Variants in CSMD1 observed in about 807,000 individuals in gnomAD.
CSMD1 encodes CUB and sushi domain-containing protein 1.
CSMD1 carries 213 observed loss-of-function variants against 417.5 expected under a neutral mutation model. The observed-to-expected ratio is 0.51, with a 90% CI of 0.46 to 0.57. The LOEUF is 0.57. CSMD1 is among the 20% of genes least tolerant of loss of function. The pLI is 0.00. For synonymous variants in CSMD1, 2,862 were observed against 1,736.8 expected (o/e 1.65, Z -16.11); for missense variants, 6,923 against 4,529.7 (o/e 1.53, Z -15.17).
intron 8 of CSMD1, among the ~76,000 whole-genome samples, chr8:3,588,672 A>G (rs73489578): frequency 0.028 from 4,223 of 152,216 alleles, 176 homozygotes; most frequent in African/African-American, 0.095. Context: ...TTTGAGAAAA[A>G]CAATCAATAA....
At position 4,185,038 on chromosome 8, in the gene CSMD1, C is replaced by T. The variant is rs533244437; in HGVS notation, c.416-152939G>A. Among the ~76,000 whole-genome samples the T allele has an allele frequency of 4.0e-5, 6 of 148,242 alleles. No homozygotes were observed. The East Asian group carries it at 1.2e-3, about 30-fold the overall frequency. On this transcript the variant is annotated intron_variant, in intron 3 of 69. Coordinates refer to ENST00000635120, the MANE Select transcript of CSMD1 (RefSeq NM_033225.6). ...CCTTTAATCCCAGCTACTTGGGAGGCTGAGGCAGGAGAATGGCTAGAGCCT... is the reference window on the plus strand; with the variant it reads ...CCTTTAATCCCAGCTACTTGGGAGGTTGAGGCAGGAGAATGGCTAGAGCCT...
chr8:3,128,901 C>G (rs1323716124), intron 41 of CSMD1: 2 of 452,572 alleles, frequency 4.4e-6, no homozygotes, highest in South Asian at 1.6e-5. Flanking sequence ...CCAGATCCTC[C>G]TATTGCAAGA....
chr8:3,969,282 G>A (rs34857992), intron 5 of CSMD1, among the ~76,000 whole-genome samples: 2,546 of 152,260 alleles, frequency 0.017, 66 homozygotes, highest in African/African-American at 0.057. Flanking sequence ...GGCTGTAGCT[G>A]CAAAAGATGA....
intron 5 of CSMD1, among the ~76,000 whole-genome samples, chr8:3,996,728 G>T (rs1364093425): frequency 6.6e-6 from 1 of 152,112 alleles, no homozygotes; most frequent in African/African-American, 2.4e-5. Flanking sequence ...AATCTAGGTA[G>T]AATTTGTTTG....
chr8:3,191,758 C>A (rs1220889811), intron 33 of CSMD1, among the ~76,000 whole-genome samples: 1 of 152,142 alleles, frequency 6.6e-6, no homozygotes, highest in East Asian at 1.9e-4. Flanking sequence ...CAAAGAGGTC[C>A]ATCACACTAG....
intron 3 of CSMD1, among the ~76,000 whole-genome samples, chr8:4,223,881 G>A (rs781258035): frequency 3.9e-4 from 60 of 152,238 alleles, no homozygotes; most frequent in Admixed American, 1.8e-3. Flanking sequence ...GTCCTGCATG[G>A]AAAATTAAAA....
chr8:3,198,916 A>G (rs945948580), intron 33 of CSMD1, among the ~76,000 whole-genome samples: 59 of 35,920 alleles, frequency 1.6e-3, no homozygotes, highest in Non-Finnish European at 6.0e-3. Context: ...GACCTAGAAA[A>G]ACTAAAATAT....
At chr8:4,200,939 A>G (rs1271925178) in intron 3 of CSMD1, among the ~76,000 whole-genome samples, 1 of 152,140 alleles carries the variant, frequency 6.6e-6, no homozygotes, top group South Asian at 2.1e-4. Flanking sequence ...GTCTTTTCTA[A>G]TCTCCATAAC....
In CSMD1 at chr8:3,708,502, C is replaced by G. The variant is rs761138177; in HGVS notation, c.932-11G>C. The G allele has an allele frequency of 1.2e-6, 2 of 1,612,580 alleles. No homozygotes were observed. The highest frequency in any genetic ancestry group is 1.3e-5 in the African/African-American group (1 of 74,878). On this transcript the variant is annotated splice_polypyrimidine_tract_variant and intron_variant, in intron 6 of 69. Transcript: ENST00000635120. ...CAATCGCCTTTTTCACTGGAAGAAA[C>G]AAAACCAAGCCATTAGCAGGTAAGA...
intron 7 of CSMD1, among the ~76,000 whole-genome samples, chr8:3,705,056 A>G (rs1335871456): frequency 6.6e-6 from 1 of 152,234 alleles, no homozygotes; most frequent in Non-Finnish European, 1.5e-5. Flanking sequence ...GGGTCCCACC[A>G]GGAAACAGAT....
At chr8:4,209,680 G>A (rs1335945923) in intron 3 of CSMD1, among the ~76,000 whole-genome samples, 2 of 152,116 alleles carry the variant, frequency 1.3e-5, no homozygotes, top group Non-Finnish European at 2.9e-5. Context: ...GGAAATCAAG[G>A]GCAAGCCAGT....
At chr8:4,485,560 C>A (rs183831362) in intron 2 of CSMD1, among the ~76,000 whole-genome samples, 2 of 152,026 alleles carry the variant, frequency 1.3e-5, no homozygotes, top group African/African-American at 4.8e-5. Context: ...AATTGGGTGA[C>A]TTTATTTCTT....
At chr8:3,888,549 G>T (rs946789052) in intron 5 of CSMD1, among the ~76,000 whole-genome samples, 4 of 152,202 alleles carry the variant, frequency 2.6e-5, no homozygotes, top group African/African-American at 9.6e-5. Context: ...CATGCCTCTT[G>T]TATCAAGTAC....
Position 4,085,242 on chromosome 8 carries a change from C to G in CSMD1, c.416-53143G>C, listed in dbSNP as rs150234954. Among the ~76,000 whole-genome samples, 7 of 152,216 alleles carry G rather than the reference C, an allele frequency of 4.6e-5. No individual in the cohort carries two copies. In the East Asian group the frequency reaches 1.4e-3, roughly 29 times the overall value. ...GAATCATCTGATTGATTTAGGGACC[C>G]TGACAGAGCTTCTTCCCCAAAAATC... is the stretch of plus-strand genomic sequence containing the variant. On this transcript the variant is annotated intron_variant, in intron 3 of 69. Coordinates refer to ENST00000635120, the MANE Select transcript of CSMD1 (RefSeq NM_033225.6).
intron 3 of CSMD1, among the ~76,000 whole-genome samples, chr8:4,331,471 T>C (rs1247581720): frequency 6.6e-6 from 1 of 151,484 alleles, no homozygotes; most frequent in African/African-American, 2.5e-5. Flanking sequence ...GCCAGCCTTC[T>C]TTTGGGTTTT....
intron 1 of CSMD1, among the ~76,000 whole-genome samples, chr8:4,977,574 C>G (rs1204368969): frequency 1.3e-5 from 2 of 152,200 alleles, no homozygotes; most frequent in East Asian, 3.9e-4. Flanking sequence ...TCCAGCCCGC[C>G]TTTGGGTGGA....
intron 1 of CSMD1, among the ~76,000 whole-genome samples, chr8:4,774,816 C>G (rs1796765967): frequency 6.6e-6 from 1 of 151,476 alleles, no homozygotes; most frequent in African/African-American, 2.5e-5. Context: ...CTCGCTCTTT[C>G]TCTCTTCCTC....
intron 1 of CSMD1, among the ~76,000 whole-genome samples, chr8:4,891,188 G>T (rs572402675): frequency 4.6e-5 from 7 of 152,262 alleles, no homozygotes; most frequent in East Asian, 3.9e-4. Context: ...ACATCTGGAA[G>T]TGAAACATGT....
At chr8:3,583,102 G>T (rs2116982972) in intron 9 of CSMD1, among the ~76,000 whole-genome samples, 1 of 152,148 alleles carries the variant, frequency 6.6e-6, no homozygotes, top group Non-Finnish European at 1.5e-5. Flanking sequence ...TGGGGAGCCT[G>T]GCCTCATCCC....
Sources: gnomAD v4.1 joint callset for allele counts (sites outside exome capture counted in the v4.1 genomes callset) on GRCh38, gnomAD v4.1.1 for gene constraint, MANE v1.5 for transcripts, NCBI Gene and HGNC (gene_info 2026-07-23, HGNC 2026-07-21) for gene names.